MATN2: variants seen among roughly 807,000 people sequenced by gnomAD.
MATN2 encodes the protein matrilin-2.
A neutral mutation model predicts 103.2 loss-of-function variants in MATN2; 69 were observed. That is an observed-to-expected ratio of 0.67 (90% CI 0.55 to 0.82). The LOEUF is 0.82. Among genes scored for constraint, MATN2 ranks in the 40% least tolerant of loss-of-function variants. The pLI, the probability that MATN2 is intolerant of heterozygous loss-of-function variation, is 0.00. For missense variants in MATN2, 1,023 were observed against 1,211.5 expected (o/e 0.84, Z 2.31); for synonymous variants, 429 against 450.2 (o/e 0.95, Z 0.60).
intron 10 of MATN2, among the ~76,000 whole-genome samples, chr8:98,013,453 A>C (rs1813244217): frequency 6.6e-6 from 1 of 152,222 alleles, no homozygotes; most frequent in Non-Finnish European, 1.5e-5. Context: ...CTCAATTTTC[A>C]GAATAGCAAA....
chr8:97,988,363 T>C (rs1478132019), intron 6 of MATN2, among the ~76,000 whole-genome samples: 1 of 151,640 alleles, frequency 6.6e-6, no homozygotes, highest in African/African-American at 2.4e-5. Flanking sequence ...TGGTGGCTCA[T>C]ACCTGTAATC....
In MATN2 at chr8:97,975,382, A is replaced by C. The variant is rs138657767; in HGVS notation, c.959-3504A>C. Reference sequence around the variant, plus strand: ...GTATGTGGCTTAGATTCAAAGCCTAAGCCAAGCCTTCAACACCTCTCTAAA... The same window carrying C: ...GTATGTGGCTTAGATTCAAAGCCTACGCCAAGCCTTCAACACCTCTCTAAA... On this transcript the variant is annotated intron_variant, in intron 5 of 18. Coordinates refer to ENST00000254898, the MANE Select transcript of MATN2 (RefSeq NM_002380.5). 2.6e-3 allele frequency among the ~76,000 whole-genome samples: 396 copies of C among 152,366 alleles called. 6 individuals are homozygous for C. In the South Asian group the frequency reaches 0.029, roughly 11 times the overall value.
At chr8:97,901,926 T>C (rs1818995717) in intron 2 of MATN2, among the ~76,000 whole-genome samples, 2 of 152,382 alleles carry the variant, frequency 1.3e-5, no homozygotes, top group South Asian at 4.1e-4. Context: ...TGGTCATTGA[T>C]ATCTTTCTGA....
In MATN2 at chr8:97,869,089, G is replaced by A. The variant is rs1817803059; in HGVS notation, c.-225G>A. 1 of 152,412 alleles carries A rather than the reference G, an allele frequency of 6.6e-6. No individual in the cohort carries two copies. The highest frequency in any genetic ancestry group is 1.5e-5 in the Non-Finnish European group (1 of 68,140). The allele number at this position is 152,412 out of a possible 1,614,324, so 9.4% of individuals were successfully genotyped here. On this transcript the variant is annotated 5_prime_UTR_variant, in exon 1 of 19. Transcript: ENST00000254898. ...AGCGCCTCCCAGGCAGCCAGCGAGC[G>A]AAGGGAGCGCTCTGGGATGGGACTT...
Position 97,984,499 on chromosome 8 carries a change from T to G in MATN2, c.1081+5491T>G, listed in dbSNP as rs1812130183. ...AATTTGTGCTCAATGAATGATTGGT[T>G]GGTTTGTAACTGGCCGAATGTCTGT... is the stretch of plus-strand genomic sequence containing the variant. On this transcript the variant is annotated intron_variant, in intron 6 of 18. Transcript: ENST00000254898. 3.9e-5 allele frequency among the ~76,000 whole-genome samples: 6 copies of G among 152,222 alleles called. No homozygotes were observed. The South Asian group carries it at 1.2e-3, about 32-fold the overall frequency.
chr8:97,989,703 A>C (rs1812328138), intron 6 of MATN2, among the ~76,000 whole-genome samples: 4 of 152,304 alleles, frequency 2.6e-5, no homozygotes, highest in African/African-American at 9.6e-5. Context: ...GTTAAAAAAA[A>C]ACACCATCTT....
At chr8:97,935,165 C>T (rs1455204330) in intron 3 of MATN2, among the ~76,000 whole-genome samples, 1 of 151,762 alleles carries the variant, frequency 6.6e-6, no homozygotes, top group African/African-American at 2.4e-5. Flanking sequence ...CTCAAGCAAC[C>T]CTCTCACATC....
chr8:98,035,745 G>A lies in MATN2; in HGVS notation c.*33G>A, dbSNP rs374486028. The stretch of plus-strand genomic sequence containing the variant: ...AAATCGCGACACATTTGTAGTCATT[G>A]TATCACGGATTACAATGAACGCAGT... On this transcript the variant is annotated 3_prime_UTR_variant, in exon 19 of 19. Coordinates refer to ENST00000254898, the MANE Select transcript of MATN2 (RefSeq NM_002380.5). The A allele has an allele frequency of 3.2e-4, 474 of 1,493,480 alleles. No individual in the cohort carries two copies. In the African/African-American group the frequency reaches 5.6e-3, roughly 18 times the overall value. 92.5% of individuals were successfully genotyped at this position (1,493,480 alleles called of 1,614,324 possible).
At chr8:98,010,987 T>G (rs1414843936) in intron 10 of MATN2, among the ~76,000 whole-genome samples, 1 of 152,192 alleles carries the variant, frequency 6.6e-6, no homozygotes, top group Non-Finnish European at 1.5e-5. Context: ...TGAATGTTGT[T>G]TCTTAACCAC....
At chr8:97,891,439 G>A (rs1191909169) in intron 2 of MATN2, among the ~76,000 whole-genome samples, 1 of 152,148 alleles carries the variant, frequency 6.6e-6, no homozygotes, top group African/African-American at 2.4e-5. Flanking sequence ...TTGTGCTTAA[G>A]CAATCCTCCA....
intron 10 of MATN2, among the ~76,000 whole-genome samples, chr8:98,013,060 G>A (rs146241058): frequency 1.8e-4 from 27 of 152,334 alleles, no homozygotes; most frequent in African/African-American, 5.5e-4. Flanking sequence ...TGAGTCAGGG[G>A]TGGTGGCTCT....
chr8:98,012,521 G>A (rs1308267211), intron 10 of MATN2, among the ~76,000 whole-genome samples: 3 of 152,164 alleles, frequency 2.0e-5, no homozygotes, highest in Admixed American at 6.5e-5. Flanking sequence ...GGGCCAGAGA[G>A]CGAACTGCAG....
chr8:97,921,058 G>A (rs1259597492), intron 2 of MATN2, among the ~76,000 whole-genome samples: 9 of 152,130 alleles, frequency 5.9e-5, no homozygotes, highest in African/African-American at 2.2e-4. Flanking sequence ...TGCAGGGCTT[G>A]ACATTTTTAC....
At chr8:97,966,848 G>A (rs1211778604) in intron 5 of MATN2, among the ~76,000 whole-genome samples, 3 of 152,172 alleles carry the variant, frequency 2.0e-5, no homozygotes, top group African/African-American at 7.2e-5. Context: ...TCTGCTACTT[G>A]CTAGGTGTGT....
chr8:97,970,275 C>T (rs564319091), intron 5 of MATN2, among the ~76,000 whole-genome samples: 10 of 152,210 alleles, frequency 6.6e-5, no homozygotes, highest in Non-Finnish European at 1.5e-4. Flanking sequence ...CCAGGTGTTG[C>T]CATAGCAACA....
intron 7 of MATN2, 105 bp downstream of exon 7, chr8:97,994,707 T>C: frequency 8.0e-7 from 1 of 1,249,692 alleles, no homozygotes; most frequent in East Asian, 2.4e-5. Flanking sequence ...GTATTCAGCA[T>C]TGTGTCTATT....
In MATN2 at chr8:98,027,808, G is replaced by A. The variant is rs746320892; in HGVS notation, c.2335G>A (p.Ala779Thr). Residue 779 changes from alanine (A) to threonine (T), a missense_variant, in exon 14 of 19, where the codon GCC (alanine) becomes ACC (threonine). By Grantham distance (58) the Ala-to-Thr change is moderately conservative. Transcript: ENST00000254898. ...GGCTCAGGATGACGTCTCCGAGTGG[G>A]CCAGTAAAGCCAAGGCCAATGGTAA... The part of the protein sequence containing the change: ...GRAQDDVSEW[A>T]SKAKANGITM... The A allele has an allele frequency of 5.1e-6, 8 of 1,577,560 alleles. No individual in the cohort carries two copies. In the Admixed American group the frequency reaches 1.5e-4, roughly 30 times the overall value.
At chr8:97,880,495 A>T (rs1184565240) in intron 1 of MATN2, among the ~76,000 whole-genome samples, 1 of 152,158 alleles carries the variant, frequency 6.6e-6, no homozygotes, top group African/African-American at 2.4e-5. Flanking sequence ...AGACAGATAA[A>T]CTCAAGTCAT....
chr8:98,018,210 A>T (rs1813441677), intron 12 of MATN2, 94 bp downstream of exon 12: 2 of 1,505,200 alleles, frequency 1.3e-6, no homozygotes, highest in Admixed American at 1.8e-5. Flanking sequence ...CTTTATTACC[A>T]CTGTCACAAG....
Sources: gnomAD v4.1 joint callset for allele counts (sites outside exome capture counted in the v4.1 genomes callset) on GRCh38, gnomAD v4.1.1 for gene constraint, MANE v1.5 for transcripts, NCBI Gene and HGNC (gene_info 2026-07-23, HGNC 2026-07-21) for gene names.